Variants in KLHL3 observed in about 807,000 individuals in gnomAD.
KLHL3 encodes the protein kelch-like protein 3.
A neutral mutation model predicts 70.5 loss-of-function variants in KLHL3; 19 were observed. The observed-to-expected ratio is 0.27, with a 90% CI of 0.19 to 0.40. KLHL3 has a LOEUF of 0.40. KLHL3 is among the 10% of genes least tolerant of loss of function. KLHL3 has a pLI of 1.00. For missense variants in KLHL3, 512 were observed against 771.1 expected (o/e 0.66, Z 3.98); for synonymous variants, 258 against 290.3 (o/e 0.89, Z 1.13).
At chr5:137,719,422 G>C (rs1752955595) in intron 2 of KLHL3, among the ~76,000 whole-genome samples, 1 of 152,172 alleles carries the variant, frequency 6.6e-6, no homozygotes, top group African/African-American at 2.4e-5. Flanking sequence ...ACAGAAAAAA[G>C]ATGAAATAAA....
Position 137,634,167 on chromosome 5 carries a change from T to A in KLHL3, c.1322-2A>T. 2 of 1,602,822 alleles carry A rather than the reference T, an allele frequency of 1.2e-6. No individual in the cohort carries two copies. Among genetic ancestry groups the A allele is most frequent in the Non-Finnish European group, 1.7e-6 (2 of 1,173,284 alleles). Reference sequence around the variant, plus strand: ...AACCCCCAACAGCATATAGCTTCCCTGCAATAGACAAAGTGGCTGAGTGTG... The same window carrying A: ...AACCCCCAACAGCATATAGCTTCCCAGCAATAGACAAAGTGGCTGAGTGTG... On this transcript the variant is annotated splice_acceptor_variant, in intron 11 of 14. Transcript: ENST00000309755. LOFTEE classifies it high-confidence loss of function.
At chr5:137,715,396 C>T (rs190425791) in intron 2 of KLHL3, among the ~76,000 whole-genome samples, 59 of 152,274 alleles carry the variant, frequency 3.9e-4, no homozygotes, top group African/African-American at 1.3e-3. Flanking sequence ...GATGCTTTAG[C>T]CCAGGCCTCC....
chr5:137,629,790 TTTG>T (rs1750583995), intron 12 of KLHL3: 2 of 152,216 alleles, frequency 1.3e-5, no homozygotes, highest in Non-Finnish European at 2.9e-5. Context: ...TTTAATAAAA[TTTG>T]TTGAGTTCCA....
At chr5:137,704,714 C>A (rs1336698191) in intron 3 of KLHL3, among the ~76,000 whole-genome samples, 5 of 152,200 alleles carry the variant, frequency 3.3e-5, no homozygotes, top group Non-Finnish European at 7.3e-5. Context: ...TTCCTGAGCA[C>A]CACACAGTCC....
intron 8 of KLHL3, among the ~76,000 whole-genome samples, chr5:137,646,189 C>T (rs1408923535): frequency 6.6e-6 from 1 of 152,002 alleles, no homozygotes; most frequent in Admixed American, 6.6e-5. Flanking sequence ...AAAAAAAATG[C>T]TCAACATCAC....
At chr5:137,731,700 G>A (rs1368578835) in intron 1 of KLHL3, among the ~76,000 whole-genome samples, 1 of 151,890 alleles carries the variant, frequency 6.6e-6, no homozygotes, top group African/African-American at 2.4e-5. Context: ...TCTCAAGCAG[G>A]GGCATCTCTG....
intron 11 of KLHL3, among the ~76,000 whole-genome samples, chr5:137,635,804 A>G (rs1349894957): frequency 6.6e-6 from 1 of 152,186 alleles, no homozygotes; most frequent in African/African-American, 2.4e-5. Context: ...GGCATGCTAC[A>G]AGACAGCACT....
chr5:137,653,629 AC>A (rs1435059064), intron 8 of KLHL3, among the ~76,000 whole-genome samples: 1 of 152,252 alleles, frequency 6.6e-6, no homozygotes, highest in African/African-American at 2.4e-5. Context: ...CTGCAGAATA[AC>A]TGAAACTCAT....
At position 137,618,645 on chromosome 5, in the gene KLHL3, G is replaced by T. The variant is rs1326018708; in HGVS notation, c.*3453C>A. 6.6e-6 allele frequency: 1 copy of T among 151,868 alleles called. No individual in the cohort carries two copies. Among genetic ancestry groups the T allele is most frequent in the African/African-American group, 2.4e-5 (1 of 41,298 alleles). The allele number at this position is 151,868 out of a possible 1,614,324, so 9.4% of individuals were successfully genotyped here. ...CTAGGACACTATGGGAGTATGTGCT[G>T]GGGGGGCAGGCCTTTCCCTGAGGCT... On this transcript the variant is annotated 3_prime_UTR_variant, in exon 15 of 15. Transcript: ENST00000309755.
chr5:137,653,328 G>A (rs945553573), intron 8 of KLHL3, among the ~76,000 whole-genome samples: 1 of 152,260 alleles, frequency 6.6e-6, no homozygotes, highest in Middle Eastern at 3.4e-3. Context: ...TAAGGCACAG[G>A]TTGGGAGAAA....
intron 14 of KLHL3, among the ~76,000 whole-genome samples, chr5:137,625,532 C>T (rs1561579847): frequency 1.3e-5 from 2 of 152,288 alleles, no homozygotes; most frequent in African/African-American, 2.4e-5. Context: ...TCACAGGGTT[C>T]GGGCAGGGGC....
At chr5:137,729,761 C>T (rs1331062611) in intron 1 of KLHL3, among the ~76,000 whole-genome samples, 1 of 152,090 alleles carries the variant, frequency 6.6e-6, no homozygotes, top group Non-Finnish European at 1.5e-5. Context: ...AGTAAGTATC[C>T]CAATCCTAAA....
chr5:137,668,158 T>C (rs1026687190), intron 6 of KLHL3, among the ~76,000 whole-genome samples: 2 of 152,168 alleles, frequency 1.3e-5, no homozygotes, highest in African/African-American at 4.8e-5. Flanking sequence ...ATCCCAGTAC[T>C]GTGGGAGGCC....
chr5:137,627,962 C>T (rs992620812), intron 13 of KLHL3: 6 of 276,990 alleles, frequency 2.2e-5, no homozygotes, highest in Non-Finnish European at 4.1e-5. Context: ...GAGCCCTGTC[C>T]TTAGCTACCT....
intron 11 of KLHL3, among the ~76,000 whole-genome samples, chr5:137,635,719 G>C (rs1750750038): frequency 6.6e-6 from 1 of 152,132 alleles, no homozygotes; most frequent in African/African-American, 2.4e-5. Flanking sequence ...GCCCCAGGGT[G>C]CCCACAGCTG....
chr5:137,638,410 C>G (rs1267427996), intron 10 of KLHL3, among the ~76,000 whole-genome samples: 3 of 152,226 alleles, frequency 2.0e-5, no homozygotes, highest in African/African-American at 2.4e-5. Flanking sequence ...GATCACCTCT[C>G]TGAGTTTATG....
At position 137,620,258 on chromosome 5, in the gene KLHL3, T is replaced by G. The variant is rs567285462; in HGVS notation, c.*1840A>C. 2.0e-5 allele frequency: 3 copies of G among 152,358 alleles called. No individual in the cohort carries two copies. In the East Asian group the frequency reaches 5.8e-4, roughly 29 times the overall value. The allele number at this position is 152,358 out of a possible 1,614,324, so 9.4% of individuals were successfully genotyped here. A position where few individuals can be genotyped will look rare whatever the true frequency, so the allele number is the denominator to read the frequency against. Reference sequence around the variant, plus strand: ...GTACCTTGTTGTTCTCCAAGCATCTTGTTGAAGTAACATGTGCTTAACATC... The same window carrying G: ...GTACCTTGTTGTTCTCCAAGCATCTGGTTGAAGTAACATGTGCTTAACATC... On this transcript the variant is annotated 3_prime_UTR_variant, in exon 15 of 15. Transcript: ENST00000309755.
chr5:137,652,221 C>A (rs1306094805), intron 8 of KLHL3, among the ~76,000 whole-genome samples: 1 of 152,046 alleles, frequency 6.6e-6, no homozygotes, highest in Non-Finnish European at 1.5e-5. Context: ...TATGCACTTC[C>A]AAATACAGTA....
intron 8 of KLHL3, among the ~76,000 whole-genome samples, chr5:137,656,375 G>A (rs1262993965): frequency 2.0e-5 from 3 of 152,134 alleles, no homozygotes; most frequent in East Asian, 1.9e-4. Context: ...TGGCTGCATG[G>A]GGGGAAAAAT....
Sources: allele counts gnomAD v4.1 joint callset (sites outside exome capture counted in the v4.1 genomes callset), GRCh38; gene constraint gnomAD v4.1.1; transcripts MANE v1.5; gene names NCBI Gene and HGNC (gene_info 2026-07-23, HGNC 2026-07-21).